The following PPARGC1A variants were observed in gnomAD, a reference collection of about 807,000 sequenced individuals.
PPARGC1A encodes the protein PPARG coactivator 1 alpha.
Under a neutral mutation model 88.7 loss-of-function variants are expected in PPARGC1A, and 25 were observed. The observed-to-expected ratio is 0.28, with a 90% CI of 0.21 to 0.39. The LOEUF is 0.39. Ranked by LOEUF, PPARGC1A falls within the 10% of genes least tolerant of loss-of-function variation. The pLI, the probability that PPARGC1A is intolerant of heterozygous loss-of-function variation, is 1.00. For synonymous variants in PPARGC1A, 363 were observed against 355.6 expected, an observed-to-expected ratio of 1.02 and a Z score of -0.24; for missense variants, 880 against 968.7, an observed-to-expected ratio of 0.91 and a Z score of 1.22.
the PPARGC1A span, among the ~76,000 whole-genome samples, chr4:24,115,543 G>A: frequency 6.6e-6 from 1 of 152,070 alleles, no homozygotes; most frequent in African/African-American, 2.4e-5. Context: ...TGTTTGGAGG[G>A]TTTTCTGATT....
At chr4:24,058,554 G>C in the PPARGC1A span, among the ~76,000 whole-genome samples, 1 of 151,706 alleles carries the variant, frequency 6.6e-6, no homozygotes, top group South Asian at 2.1e-4. Context: ...CCCTCCTCTT[G>C]TTTATGAGAT....
chr4:23,813,745 G>T lies in PPARGC1A; in HGVS notation c.1738C>A (p.Arg580=), dbSNP rs376001916. The T allele has an allele frequency of 5.6e-6, 9 of 1,612,664 alleles. No homozygotes were observed. The African/African-American group carries it at 1.2e-4, about 22-fold the overall frequency. Residue 580 remains arginine (R), a synonymous_variant, in exon 8 of 13, where the codon CGA becomes AGA. Transcript: ENST00000264867. The part of the protein sequence containing the change: ...RSFSRHRSCS[R]SPYSRSRSRS... ...GATCTTGACCTGGAATATGGTGATCGGGAACACGACCTGTGTCGAGAAAAG... is the reference window on the plus strand; with the variant it reads ...GATCTTGACCTGGAATATGGTGATCTGGAACACGACCTGTGTCGAGAAAAG...
chr4:24,052,152 G>A, the PPARGC1A span, among the ~76,000 whole-genome samples: 1 of 152,164 alleles, frequency 6.6e-6, no homozygotes, highest in African/African-American at 2.4e-5. Context: ...TGCTATTATT[G>A]AAAATCATAT....
chr4:24,145,998 T>C, the PPARGC1A span, among the ~76,000 whole-genome samples: 8 of 152,304 alleles, frequency 5.3e-5, no homozygotes, highest in South Asian at 1.2e-3. Context: ...TTGGGTATTA[T>C]AACCCAGAGA....
the PPARGC1A span, among the ~76,000 whole-genome samples, chr4:24,356,710 ACTCTGGCTGGCTTCCC>A: frequency 6.6e-6 from 1 of 152,214 alleles, no homozygotes; most frequent in East Asian, 1.9e-4. Context: ...AGTAATAGCT[ACTCTGGCTGGCTTCCC>A]ACAGGCCAAG....
chr4:23,850,145 G>C (rs1053722475), intron 2 of PPARGC1A, among the ~76,000 whole-genome samples: 5 of 152,120 alleles, frequency 3.3e-5, no homozygotes, highest in African/African-American at 1.2e-4. Flanking sequence ...AATTAGGTTG[G>C]TGCAAAAGTA....
At chr4:24,413,321 T>C in the PPARGC1A span, among the ~76,000 whole-genome samples, 4 of 148,036 alleles carry the variant, frequency 2.7e-5, no homozygotes, top group African/African-American at 7.5e-5. Flanking sequence ...GCAGAATGAA[T>C]AAAGGAAGAC....
the PPARGC1A span, among the ~76,000 whole-genome samples, chr4:24,131,248 G>T: frequency 6.6e-6 from 1 of 152,074 alleles, no homozygotes; most frequent in African/African-American, 2.4e-5. Context: ...GTATTAATCT[G>T]AGCAGCAAAG....
At chr4:24,220,945 T>C in the PPARGC1A span, among the ~76,000 whole-genome samples, 2 of 152,076 alleles carry the variant, frequency 1.3e-5, no homozygotes, top group Middle Eastern at 3.4e-3. Context: ...CTAAAAGAAA[T>C]AGCAAATCCT....
Position 23,812,593 on chromosome 4 carries a change from G to A in PPARGC1A, c.2019+154C>T, listed in dbSNP as rs70937063. Among the ~76,000 whole-genome samples, 58 of 152,232 alleles carry A rather than the reference G, an allele frequency of 3.8e-4. No individual in the cohort carries two copies. The East Asian group carries it at 0.01, about 27-fold the overall frequency. On this transcript the variant is annotated intron_variant, in intron 10 of 12. Transcript: ENST00000264867. ...CCAATAAGTTAGGTCAATGGGGACC[G>A]AAGACTTATGGATATTTTAAAGCCA...
chr4:24,175,434 G>A, the PPARGC1A span, among the ~76,000 whole-genome samples: 1 of 147,668 alleles, frequency 6.8e-6, no homozygotes, highest in Admixed American at 6.8e-5. Context: ...GAGCGTAGTG[G>A]CGCAATCTCA....
the PPARGC1A span, among the ~76,000 whole-genome samples, chr4:24,113,252 G>C: frequency 6.0e-4 from 91 of 152,282 alleles, no homozygotes; most frequent in Non-Finnish European, 1.1e-3. Context: ...CGTTCAGTAG[G>C]TGAGTAGGTA....
the PPARGC1A span, among the ~76,000 whole-genome samples, chr4:24,403,776 C>G: frequency 6.6e-6 from 1 of 152,160 alleles, no homozygotes; most frequent in Non-Finnish European, 1.5e-5. Context: ...TTTAGCAACA[C>G]TTTATATCTA....
At chr4:24,338,216 G>A in the PPARGC1A span, among the ~76,000 whole-genome samples, 1 of 152,024 alleles carries the variant, frequency 6.6e-6, no homozygotes, top group African/African-American at 2.4e-5. Context: ...ATAAAATCCT[G>A]CGAGCCACTG....
chr4:24,043,521 T>G, the PPARGC1A span, among the ~76,000 whole-genome samples: 27 of 152,142 alleles, frequency 1.8e-4, no homozygotes, highest in Non-Finnish European at 4.4e-5. Flanking sequence ...AAACACCCCT[T>G]TTCTCATCTT....
At chr4:24,243,909 T>C in the PPARGC1A span, among the ~76,000 whole-genome samples, 6 of 152,304 alleles carry the variant, frequency 3.9e-5, no homozygotes, top group East Asian at 1.2e-3. Context: ...ATAAGGAAAG[T>C]GATTCTACTT....
the PPARGC1A span, among the ~76,000 whole-genome samples, chr4:24,124,433 T>C: frequency 6.6e-3 from 1,009 of 152,328 alleles, 15 homozygotes; most frequent in Admixed American, 0.016. Context: ...TCATCATACA[T>C]TTTTAAAGTT....
chr4:24,316,392 G>A, the PPARGC1A span, among the ~76,000 whole-genome samples: 1 of 152,142 alleles, frequency 6.6e-6, no homozygotes, highest in Non-Finnish European at 1.5e-5. Flanking sequence ...CAAATGCTTG[G>A]CTTTGCATTG....
chr4:24,036,414 T>C, the PPARGC1A span, among the ~76,000 whole-genome samples: 2 of 152,188 alleles, frequency 1.3e-5, no homozygotes, highest in African/African-American at 4.8e-5. Context: ...GAACTGAATA[T>C]GTACATCCAC....
Sources: gnomAD v4.1 joint callset for allele counts (sites outside exome capture counted in the v4.1 genomes callset) on GRCh38, gnomAD v4.1.1 for gene constraint, MANE v1.5 for transcripts, NCBI Gene and HGNC (gene_info 2026-07-23, HGNC 2026-07-21) for gene names.